CNTNAP2: variants seen among roughly 807,000 people sequenced by gnomAD.
The protein encoded by CNTNAP2 is contactin-associated protein-like 2.
A neutral mutation model predicts 155.2 loss-of-function variants in CNTNAP2; 98 were observed. The ratio of observed to expected loss-of-function variants is 0.63; its 90% CI spans 0.54 to 0.75. CNTNAP2 has a LOEUF of 0.75. Among genes scored for constraint, CNTNAP2 ranks in the 30% least tolerant of loss-of-function variants. CNTNAP2 has a pLI of 0.00. For missense variants in CNTNAP2, 1,727 were observed against 1,688.1 expected, an observed-to-expected ratio of 1.02 and a Z score of -0.40; for synonymous variants, 651 against 631.2, an observed-to-expected ratio of 1.03 and a Z score of -0.47.
At chr7:147,463,404 A>G (rs1255828832) in intron 10 of CNTNAP2, among the ~76,000 whole-genome samples, 1 of 152,224 alleles carries the variant, frequency 6.6e-6, no homozygotes, top group Admixed American at 6.5e-5. Context: ...CAACTCAGTC[A>G]TTAAAACACA....
At chr7:147,178,806 C>A (rs1231862357) in intron 8 of CNTNAP2, among the ~76,000 whole-genome samples, 1 of 152,056 alleles carries the variant, frequency 6.6e-6, no homozygotes, top group Non-Finnish European at 1.5e-5. Flanking sequence ...TATGTTCGAC[C>A]TTTAGTTTGA....
intron 1 of CNTNAP2, among the ~76,000 whole-genome samples, chr7:146,152,563 T>C (rs1242085241): frequency 6.6e-6 from 1 of 152,130 alleles, no homozygotes; most frequent in Non-Finnish European, 1.5e-5. Context: ...ATCCATATGT[T>C]ACCCAGCTGG....
At chr7:146,510,834 A>G (rs527974014) in intron 1 of CNTNAP2, among the ~76,000 whole-genome samples, 1 of 152,038 alleles carries the variant, frequency 6.6e-6, no homozygotes, top group African/African-American at 2.4e-5. Context: ...TAATTTTTGT[A>G]TAATAAAACT....
chr7:147,658,843 A>G (rs1399357796), intron 13 of CNTNAP2, among the ~76,000 whole-genome samples: 2 of 152,258 alleles, frequency 1.3e-5, no homozygotes, highest in Admixed American at 1.3e-4. Context: ...AATGTACTCA[A>G]TCAGGCTACA....
At chr7:148,232,129 C>T in intron 20 of CNTNAP2, among the ~76,000 whole-genome samples, 1 of 152,170 alleles carries the variant, frequency 6.6e-6, no homozygotes, top group Non-Finnish European at 1.5e-5. Context: ...TCTCTCAGCC[C>T]AGCCTGTCCC....
chr7:147,045,362 C>T (rs958386558), intron 4 of CNTNAP2, among the ~76,000 whole-genome samples: 1 of 152,230 alleles, frequency 6.6e-6, no homozygotes, highest in East Asian at 1.9e-4. Context: ...CACCTCTGTA[C>T]ACATTTAGTA....
chr7:147,481,161 G>T (rs1798416277), intron 10 of CNTNAP2, among the ~76,000 whole-genome samples: 1 of 152,124 alleles, frequency 6.6e-6, no homozygotes, highest in Non-Finnish European at 1.5e-5. Context: ...ATTTTAAAAT[G>T]TCTATTTTAA....
At chr7:147,670,586 T>C (rs1305715664) in intron 13 of CNTNAP2, among the ~76,000 whole-genome samples, 1 of 152,166 alleles carries the variant, frequency 6.6e-6, no homozygotes, top group African/African-American at 2.4e-5. Context: ...AGAAGTGGCT[T>C]GACTTCAGAG....
intron 1 of CNTNAP2, among the ~76,000 whole-genome samples, chr7:146,212,814 G>A (rs1214704317): frequency 1.3e-5 from 2 of 152,134 alleles, no homozygotes; most frequent in African/African-American, 4.8e-5. Context: ...CTCTTCATAG[G>A]TGATGCTTGG....
At chr7:146,650,496 G>T (rs1347041409) in intron 1 of CNTNAP2, among the ~76,000 whole-genome samples, 1 of 151,880 alleles carries the variant, frequency 6.6e-6, no homozygotes, top group Non-Finnish European at 1.5e-5. Flanking sequence ...TGAACAATGA[G>T]AACACATGGA....
At chr7:146,290,780 C>A (rs1800416693) in intron 1 of CNTNAP2, among the ~76,000 whole-genome samples, 2 of 152,156 alleles carry the variant, frequency 1.3e-5, no homozygotes, top group South Asian at 4.1e-4. Flanking sequence ...GACGAATGAA[C>A]TGAGTTTATT....
chr7:148,106,446 A>G (rs1422602039), intron 15 of CNTNAP2, among the ~76,000 whole-genome samples: 1 of 149,948 alleles, frequency 6.7e-6, no homozygotes, highest in East Asian at 1.9e-4. Flanking sequence ...GTCATTCCCC[A>G]GAGTCACCCC....
intron 1 of CNTNAP2, among the ~76,000 whole-genome samples, chr7:146,373,902 A>G (rs1365767133): frequency 1.3e-5 from 2 of 152,210 alleles, no homozygotes; most frequent in African/African-American, 4.8e-5. Flanking sequence ...TTGAAGAAAA[A>G]TAGTTTTTAA....
chr7:148,352,155 G>A (rs1317750874), intron 21 of CNTNAP2, among the ~76,000 whole-genome samples: 1 of 152,182 alleles, frequency 6.6e-6, no homozygotes, highest in African/African-American at 2.4e-5. Flanking sequence ...GCTGGATGCC[G>A]CTGAAGGGTT....
intron 5 of CNTNAP2, among the ~76,000 whole-genome samples, chr7:147,110,215 G>C (rs1453627688): frequency 6.6e-6 from 1 of 152,088 alleles, no homozygotes; most frequent in Non-Finnish European, 1.5e-5. Context: ...CACCGTGCCT[G>C]GCCCTGTTGT....
intron 22 of CNTNAP2, among the ~76,000 whole-genome samples, chr7:148,387,843 G>A (rs775194496): frequency 3.3e-5 from 5 of 151,886 alleles, no homozygotes; most frequent in Non-Finnish European, 7.4e-5. Context: ...ATAGGGGCTG[G>A]GTAAAATAAA....
intron 1 of CNTNAP2, among the ~76,000 whole-genome samples, chr7:146,726,482 A>G (rs995380029): frequency 2.6e-5 from 4 of 152,118 alleles, no homozygotes; most frequent in African/African-American, 4.8e-5. Context: ...TCAATTTTCA[A>G]TTGTATAACA....
At chr7:146,183,285 T>C (rs1046027880) in intron 1 of CNTNAP2, among the ~76,000 whole-genome samples, 2 of 152,080 alleles carry the variant, frequency 1.3e-5, no homozygotes, top group Non-Finnish European at 2.9e-5. Flanking sequence ...GCAGGACAGA[T>C]CTCCCACTTG....
intron 13 of CNTNAP2, among the ~76,000 whole-genome samples, chr7:147,705,928 T>C (rs918356597): frequency 6.6e-6 from 1 of 152,084 alleles, no homozygotes; most frequent in Non-Finnish European, 1.5e-5. Flanking sequence ...CTGCTTTCAG[T>C]CTGTGTCTTT....
Sources: gnomAD v4.1 joint callset for allele counts (sites outside exome capture counted in the v4.1 genomes callset) on GRCh38, gnomAD v4.1.1 for gene constraint, MANE v1.5 for transcripts, NCBI Gene and HGNC (gene_info 2026-07-23, HGNC 2026-07-21) for gene names.